NUP160: variants seen among roughly 807,000 people sequenced by gnomAD.
NUP160 encodes nucleoporin 160, also known as nuclear pore complex protein Nup160.
NUP160 carries 94 observed loss-of-function variants against 196.9 expected under a neutral mutation model. The observed-to-expected ratio is 0.48, with a 90% CI of 0.40 to 0.57. NUP160 has a LOEUF of 0.57. Among genes scored for constraint, NUP160 ranks in the 20% least tolerant of loss-of-function variants. NUP160 has a pLI of 0.00. For synonymous variants in NUP160, 605 were observed against 619.7 expected, an observed-to-expected ratio of 0.98 and a Z score of 0.35; for missense variants, 1,638 against 1,748.3, an observed-to-expected ratio of 0.94 and a Z score of 1.13.
intron 7 of NUP160, among the ~76,000 whole-genome samples, chr11:47,828,886 G>A (rs1852024497): frequency 1.3e-5 from 2 of 151,632 alleles, no homozygotes; most frequent in African/African-American, 4.8e-5. Context: ...ATATCTACAA[G>A]CAAAAGAATG....
chr11:47,840,056 C>T (rs948425222), exon 4 of NUP160: 44 of 1,608,856 alleles, frequency 2.7e-5, no homozygotes, highest in Non-Finnish European at 3.7e-5. Flanking sequence ...TGACTGTCAA[C>T]TACCAACTCC....
intron 5 of NUP160, among the ~76,000 whole-genome samples, 160 bp downstream of exon 5, chr11:47,837,385 G>A (rs867299420): frequency 3.3e-5 from 5 of 152,258 alleles, no homozygotes; most frequent in Middle Eastern, 6.8e-3. Context: ...AAAGGGACTC[G>A]GGAGTGTGGC....
At chr11:47,812,151 T>A (rs1269873822) in exon 17 of NUP160, 2 of 1,614,092 alleles carry the variant, frequency 1.2e-6, no homozygotes, top group Admixed American at 1.7e-5. Context: ...TATGCACCCC[T>A]CTGCACACAA....
At chr11:47,812,732 A>G (rs763299153) in intron 15 of NUP160, 150 bp downstream of exon 15, 1 of 628,178 alleles carries the variant, frequency 1.6e-6, no homozygotes, top group Non-Finnish European at 2.6e-6. Flanking sequence ...TTTCTGTTAA[A>G]AGTAGAAATA....
At chr11:47,821,042 T>C (rs1009100493) in intron 9 of NUP160, among the ~76,000 whole-genome samples, 4 of 152,026 alleles carry the variant, frequency 2.6e-5, no homozygotes, top group African/African-American at 9.7e-5. Context: ...CATCTCATGA[T>C]GAGAAAATTG....
intron 19 of NUP160, 82 bp downstream of exon 19, chr11:47,806,987 GC>G: frequency 1.0e-6 from 1 of 979,094 alleles, no homozygotes; most frequent in Non-Finnish European, 1.6e-6. Flanking sequence ...CCTTTCTATG[GC>G]AAAGGTGGCA....
intron 23 of NUP160, 111 bp from the exon 24 acceptor site, chr11:47,798,574 A>T: frequency 1.5e-6 from 1 of 660,834 alleles, no homozygotes; most frequent in South Asian, 1.9e-5. Flanking sequence ...ATGGTGGCTC[A>T]CACCTCCAAT....
At position 47,792,318 on chromosome 11, in the gene NUP160, A is replaced by G. The variant is rs1014287968; in HGVS notation, c.3451-328T>C. ...CCCATCAGTATGATAGGAAAAACTC[A>G]AAGTGTGTGTCCTTTAAAACAGTAA... On this transcript the variant is annotated intron_variant, in intron 28 of 35. Transcript: ENST00000378460. 1.5e-5 allele frequency: 4 copies of G among 269,938 alleles called. No individual in the cohort carries two copies. The East Asian group carries it at 3.4e-4, about 23-fold the overall frequency. 16.7% of individuals were successfully genotyped at this position (269,938 alleles called of 1,614,324 possible). A position where few individuals can be genotyped will look rare whatever the true frequency, so the allele number is the denominator to read the frequency against.
At chr11:47,848,330 C>A (rs770629895) in exon 1 of NUP160, 4 of 1,613,680 alleles carry the variant, frequency 2.5e-6, no homozygotes, top group Admixed American at 1.7e-5. Flanking sequence ...TTCCCGCCGT[C>A]GCCGCGACGC....
At chr11:47,847,874 G>A (rs2033540138) in exon 2 of NUP160, 5 of 1,613,690 alleles carry the variant, frequency 3.1e-6, no homozygotes, top group Non-Finnish European at 1.7e-6. Context: ...TTCTGGTTAC[G>A]GAGAACAACT....
intron 7 of NUP160, among the ~76,000 whole-genome samples, chr11:47,824,524 G>A (rs1444027174): frequency 1.3e-5 from 2 of 151,924 alleles, no homozygotes; most frequent in Non-Finnish European, 2.9e-5. Flanking sequence ...GTAGGAGAAT[G>A]GTGTGAACCC....
intron 8 of NUP160, 29 bp downstream of exon 8, chr11:47,822,058 T>C (rs1186048275): frequency 3.5e-6 from 5 of 1,415,936 alleles, no homozygotes; most frequent in South Asian, 2.4e-5. Flanking sequence ...CTTGTACTTA[T>C]GTGATATGCA....
intron 32 of NUP160, 35 bp from the exon 33 acceptor site, chr11:47,785,098 A>ATTTTTTTTTTTT (rs777830119): frequency 1.6e-5 from 18 of 1,137,352 alleles, no homozygotes; most frequent in South Asian, 7.5e-5. Flanking sequence ...TGAGTTTCAG[A>ATTTTTTTTTTTT]TTCTTAATAG....
At chr11:47,786,485 C>G (rs767172527) in exon 32 of NUP160, 3 of 1,613,834 alleles carry the variant, frequency 1.9e-6, no homozygotes, top group Non-Finnish European at 1.7e-6. Context: ...CAGATGAGAG[C>G]TGATTGGCTG....
chr11:47,783,764 C>T (rs900219233), intron 33 of NUP160, among the ~76,000 whole-genome samples: 1 of 152,012 alleles, frequency 6.6e-6, no homozygotes, highest in Admixed American at 6.6e-5. Flanking sequence ...CTTGCTCTGT[C>T]GCCCAGGCTT....
chr11:47,785,101 C>CTTTTTTTTTTTTT, intron 32 of NUP160, 38 bp from the exon 33 acceptor site: 2 of 1,107,986 alleles, frequency 1.8e-6, no homozygotes, highest in Non-Finnish European at 2.5e-6. Context: ...GTTTCAGATT[C>CTTTTTTTTTTTTT]TTAATAGCTA....
rs569155051 is a variant in NUP160, at chr11:47,831,830, G to A, written c.1101+3821C>T. 3.6e-3 allele frequency among the ~76,000 whole-genome samples: 337 copies of A among 93,284 alleles called. 1 individual carries two copies. Among genetic ancestry groups the A allele is most frequent in the Non-Finnish European group, 4.3e-3 (223 of 51,286 alleles). The allele number at this position is 93,284 out of a possible 152,430, so 61.2% of individuals were successfully genotyped here. ...TGTATTCCAGCCTTAGTGACAAAGC[G>A]AGACTCTCTCTCAAAAAAAAAAAAA... is the stretch of plus-strand genomic sequence containing the variant. On this transcript the variant is annotated intron_variant, in intron 7 of 35. Coordinates refer to ENST00000378460, the Ensembl canonical transcript of NUP160.
chr11:47,806,047 T>C (rs763272215), intron 20 of NUP160, 106 bp downstream of exon 20: 40 of 1,018,184 alleles, frequency 3.9e-5, no homozygotes, highest in South Asian at 7.2e-5. Context: ...CTTCTGGCCA[T>C]AAGTGATAAA....
chr11:47,837,697 A>G, intron 4 of NUP160, 74 bp from the exon 5 acceptor site: 1 of 1,151,892 alleles, frequency 8.7e-7, no homozygotes, highest in South Asian at 1.2e-5. Context: ...AACCATGAAC[A>G]AGGTCTTTAT....
Sources: allele counts gnomAD v4.1 joint callset (sites outside exome capture counted in the v4.1 genomes callset), GRCh38; gene constraint gnomAD v4.1.1; transcripts MANE v1.5; gene names NCBI Gene and HGNC (gene_info 2026-07-23, HGNC 2026-07-21).